RBFOX1: variants seen among roughly 807,000 people sequenced by gnomAD.
The protein encoded by RBFOX1 is RNA binding fox-1 homolog 1, also known as RNA binding protein fox-1 homolog 1.
Under a neutral mutation model 57.7 loss-of-function variants are expected in RBFOX1, and 8 were observed. The observed-to-expected ratio is 0.14, with a 90% CI of 0.08 to 0.25. The LOEUF (loss-of-function observed/expected upper bound fraction) is 0.25. RBFOX1 is among the 10% of genes least tolerant of loss of function. The pLI, the probability that RBFOX1 is intolerant of heterozygous loss-of-function variation, is 1.00. For missense variants in RBFOX1, 611 were observed against 548.5 expected, an observed-to-expected ratio of 1.11 and a Z score of -1.14; for synonymous variants, 326 against 222.4, an observed-to-expected ratio of 1.47 and a Z score of -4.15.
At chr16:5,623,466 A>G (rs977936033) in intron 3 of RBFOX1, among the ~76,000 whole-genome samples, 10 of 152,158 alleles carry the variant, frequency 6.6e-5, no homozygotes, top group Admixed American at 6.5e-5. Flanking sequence ...CCAAACAAAC[A>G]TGCATGGCCA....
At chr16:6,715,603 G>A (rs2064642867) in intron 3 of RBFOX1, among the ~76,000 whole-genome samples, 1 of 152,138 alleles carries the variant, frequency 6.6e-6, no homozygotes, top group East Asian at 1.9e-4. Context: ...GGCTGAGCTA[G>A]TTTTCTCTTG....
intron 1 of RBFOX1, among the ~76,000 whole-genome samples, chr16:6,130,532 A>C (rs2096622274): frequency 6.6e-6 from 1 of 152,138 alleles, no homozygotes; most frequent in South Asian, 2.1e-4. Context: ...CCATAGAAAT[A>C]ATTTCACCAA....
At chr16:6,296,204 T>TC (rs2152732301) in intron 1 of RBFOX1, among the ~76,000 whole-genome samples, 1 of 152,230 alleles carries the variant, frequency 6.6e-6, no homozygotes, top group East Asian at 1.9e-4. Flanking sequence ...GCTCATCCAT[T>TC]CCCCAGACAC....
chr16:7,567,856 C>T (rs1193471493), intron 5 of RBFOX1, among the ~76,000 whole-genome samples: 7 of 138,380 alleles, frequency 5.1e-5, no homozygotes, highest in Admixed American at 1.5e-4. Flanking sequence ...TATATATATC[C>T]ATATATATAC....
chr16:7,627,930 A>G (rs556275374), intron 10 of RBFOX1, among the ~76,000 whole-genome samples: 2 of 150,890 alleles, frequency 1.3e-5, no homozygotes, highest in South Asian at 4.2e-4. Flanking sequence ...TTTTTTTTTA[A>G]CTACGAAGAA....
rs142193125 is a variant in RBFOX1 at position 5,606,487 on chromosome 16, C to G, written c.318+7526C>G. On this transcript the variant is annotated intron_variant, in intron 3 of 19. Coordinates refer to the RBFOX1 transcript ENST00000641259. Reference sequence around the variant, plus strand: ...TTCCTTCCTCACCTTCTCTCTCACTCACCTCCTCTCTCCCTCACTTCTCAT... The same window carrying G: ...TTCCTTCCTCACCTTCTCTCTCACTGACCTCCTCTCTCCCTCACTTCTCAT... 2.3e-3 allele frequency among the ~76,000 whole-genome samples: 345 copies of G among 152,136 alleles called. 1 individual carries two copies. The highest frequency in any genetic ancestry group is 7.8e-3 in the African/African-American group (324 of 41,500).
intron 1 of RBFOX1, among the ~76,000 whole-genome samples, chr16:6,034,498 T>G (rs1168816522): frequency 2.0e-5 from 3 of 152,042 alleles, no homozygotes; most frequent in Non-Finnish European, 2.9e-5. Context: ...GCTTCCTGGC[T>G]GCATCTTCAT....
chr16:6,380,257 G>C (rs146103151), intron 2 of RBFOX1, among the ~76,000 whole-genome samples: 1 of 152,038 alleles, frequency 6.6e-6, no homozygotes, highest in Non-Finnish European at 1.5e-5. Flanking sequence ...GAATCAACTA[G>C]TGAAGAAAAC....
At chr16:6,624,680 T>A (rs2098279105) in intron 2 of RBFOX1, among the ~76,000 whole-genome samples, 1 of 152,070 alleles carries the variant, frequency 6.6e-6, no homozygotes, top group African/African-American at 2.4e-5. Context: ...TTTCTTGAGG[T>A]CACCAGAAAC....
At chr16:6,861,110 C>T (rs1302225981) in intron 3 of RBFOX1, among the ~76,000 whole-genome samples, 5 of 151,956 alleles carry the variant, frequency 3.3e-5, no homozygotes, top group Admixed American at 3.3e-4. Flanking sequence ...TTGCAAGCTG[C>T]GGGGTGGACA....
chr16:7,237,411 C>G (rs550472379), intron 4 of RBFOX1, among the ~76,000 whole-genome samples: 1 of 152,214 alleles, frequency 6.6e-6, no homozygotes, highest in Non-Finnish European at 1.5e-5. Flanking sequence ...ACTGATCCTT[C>G]TATAGTTTTG....
intron 4 of RBFOX1, among the ~76,000 whole-genome samples, chr16:7,218,838 A>G (rs959161097): frequency 1.3e-5 from 2 of 151,824 alleles, no homozygotes; most frequent in African/African-American, 4.8e-5. Flanking sequence ...TTGCTGCTAC[A>G]TTTTGGTGGA....
chr16:7,536,130 A>G (rs538425293), intron 5 of RBFOX1, among the ~76,000 whole-genome samples: 4 of 152,268 alleles, frequency 2.6e-5, no homozygotes, highest in East Asian at 1.9e-4. Flanking sequence ...TCCATCTGCA[A>G]TTGGTTGAAT....
chr16:6,080,496 A>G (rs181585729), intron 1 of RBFOX1, among the ~76,000 whole-genome samples: 1 of 152,288 alleles, frequency 6.6e-6, no homozygotes, highest in African/African-American at 2.4e-5. Context: ...GGGAGCCTCA[A>G]GTCTGGAGGG....
In RBFOX1 at chr16:6,360,835, C is replaced by T. The variant is rs75751931; in HGVS notation, c.-64+43778C>T. The stretch of plus-strand genomic sequence containing the variant: ...TTTACATAGTTATCATTGTGAATGG[C>T]GCCCCCTACAGTTGTTCAGTGTGTA... On this transcript the variant is annotated intron_variant, in intron 2 of 15. Transcript: ENST00000550418. Among the ~76,000 whole-genome samples, 733 of 152,260 alleles carry T rather than the reference C, an allele frequency of 4.8e-3. 8 individuals are homozygous for T. Among genetic ancestry groups the T allele is most frequent in the East Asian group, 0.026 (133 of 5,182 alleles).
chr16:6,995,536 G>A (rs2092123993), intron 3 of RBFOX1, among the ~76,000 whole-genome samples: 1 of 152,114 alleles, frequency 6.6e-6, no homozygotes, highest in South Asian at 2.1e-4. Flanking sequence ...AGGCCAAGGA[G>A]GGTGGATCAC....
At chr16:7,272,701 G>T (rs895250966) in intron 4 of RBFOX1, among the ~76,000 whole-genome samples, 2 of 152,122 alleles carry the variant, frequency 1.3e-5, no homozygotes, top group Non-Finnish European at 2.9e-5. Flanking sequence ...CAAGGGAGAG[G>T]AGAGAGGAAG....
At chr16:5,876,059 A>G (rs548219946) in intron 4 of RBFOX1, among the ~76,000 whole-genome samples, 1 of 152,122 alleles carries the variant, frequency 6.6e-6, no homozygotes, top group East Asian at 1.9e-4. Flanking sequence ...TAGCCAGGGT[A>G]GTCTTGATCT....
chr16:5,914,056 G>A lies in RBFOX1; in HGVS notation c.351+46721G>A, dbSNP rs151117492. 6.1e-4 allele frequency among the ~76,000 whole-genome samples: 93 copies of A among 152,308 alleles called. 1 individual carries two copies. The East Asian group carries it at 0.014, about 23-fold the overall frequency. ...TAGGTGTGTTTGATTCAAGGACAGA[G>A]GCATTAACCCACAACTTTCATGAGA... On this transcript the variant is annotated intron_variant, in intron 4 of 19. Transcript: ENST00000641259.
Sources: allele counts gnomAD v4.1 joint callset (sites outside exome capture counted in the v4.1 genomes callset), GRCh38; gene constraint gnomAD v4.1.1; transcripts MANE v1.5; gene names NCBI Gene and HGNC (gene_info 2026-07-23, HGNC 2026-07-21).